VPS54: variants seen among roughly 807,000 people sequenced by gnomAD.
VPS54 encodes VPS54 subunit of GARP complex.
Under a neutral mutation model 121.5 loss-of-function variants are expected in VPS54, and 45 were observed. The ratio of observed to expected loss-of-function variants is 0.37; its 90% confidence interval spans 0.29 to 0.47. The LOEUF is 0.47. VPS54 is among the 20% of genes least tolerant of loss of function. The pLI is 0.99. For synonymous variants in VPS54, 371 were observed against 385.8 expected, an observed-to-expected ratio of 0.96 and a Z score of 0.45; for missense variants, 1,090 against 1,131.4, an observed-to-expected ratio of 0.96 and a Z score of 0.52.
In VPS54 at chr2:64,004,441, T is replaced by C. The variant is rs143970920; in HGVS notation, c.-21+14497A>G. Reference sequence around the variant, plus strand: ...CAAAGGGGAAAATGTATCTTTAAAATGGAGACCTGGCTGTCACCACCTTAC... The same window carrying C: ...CAAAGGGGAAAATGTATCTTTAAAACGGAGACCTGGCTGTCACCACCTTAC... On this transcript the variant is annotated intron_variant, in intron 1 of 22. Coordinates refer to ENST00000272322, the MANE Select transcript of VPS54 (RefSeq NM_016516.3). Among the ~76,000 whole-genome samples, 665 of 152,344 alleles carry C rather than the reference T, an allele frequency of 4.4e-3. 4 individuals carry two copies. Among genetic ancestry groups the C allele is most frequent in the Non-Finnish European group, 6.3e-3 (431 of 68,034 alleles).
intron 12 of VPS54, among the ~76,000 whole-genome samples, chr2:63,929,697 A>G (rs1674090260): frequency 6.9e-6 from 1 of 144,596 alleles, no homozygotes; most frequent in African/African-American, 2.4e-5. Flanking sequence ...GAGACATAAA[A>G]AACCCTTCAA....
intron 16 of VPS54, among the ~76,000 whole-genome samples, chr2:63,915,470 C>T (rs934987529): frequency 2.0e-5 from 3 of 152,260 alleles, no homozygotes; most frequent in Admixed American, 6.5e-5. Flanking sequence ...TAGAGTCTGC[C>T]TAAATGAGCA....
At chr2:63,970,216 C>T (rs1387533446) in intron 4 of VPS54, among the ~76,000 whole-genome samples, 6 of 86,406 alleles carry the variant, frequency 6.9e-5, no homozygotes, top group African/African-American at 3.0e-4. Flanking sequence ...TATATATACA[C>T]ACACACACAC....
chr2:63,967,896 T>G (rs1395620197), intron 5 of VPS54, among the ~76,000 whole-genome samples: 2 of 151,650 alleles, frequency 1.3e-5, no homozygotes, highest in Non-Finnish European at 2.9e-5. Context: ...AGCAAAAGAT[T>G]ACAGAGAATT....
chr2:63,942,566 A>T lies in VPS54; in HGVS notation c.1302-5T>A. 6.4e-7 allele frequency: 1 copy of T among 1,571,874 alleles called. No homozygotes were observed. Among genetic ancestry groups the T allele is most frequent in the South Asian group, 1.2e-5 (1 of 85,328 alleles). ...ATTCTCATCTGATCTGCAAGCCTAGAAAAAAATAATTCAAACAAAAATAAT... is the reference window on the plus strand; with the variant it reads ...ATTCTCATCTGATCTGCAAGCCTAGTAAAAAATAATTCAAACAAAAATAAT... On this transcript the variant is annotated splice_region_variant and splice_polypyrimidine_tract_variant and intron_variant, in intron 10 of 22. Coordinates refer to ENST00000272322, the MANE Select transcript of VPS54 (RefSeq NM_016516.3).
At chr2:63,913,157 A>G in intron 18 of VPS54, 66 bp downstream of exon 18, 1 of 1,338,600 alleles carries the variant, frequency 7.5e-7, no homozygotes, top group East Asian at 2.5e-5. Flanking sequence ...GTATAAAAAA[A>G]CATGATGAGA....
chr2:63,953,366 C>T (rs1254422540), intron 7 of VPS54, among the ~76,000 whole-genome samples: 1 of 152,044 alleles, frequency 6.6e-6, no homozygotes, highest in Non-Finnish European at 1.5e-5. Flanking sequence ...CTCCTGACCT[C>T]AAGTGGTCCA....
intron 3 of VPS54, among the ~76,000 whole-genome samples, chr2:63,973,768 C>T (rs1474936714): frequency 2.2e-4 from 33 of 152,252 alleles, no homozygotes; most frequent in Non-Finnish European, 1.2e-4. Context: ...TGGTCCTGAA[C>T]TCTTGGTCTC....
chr2:63,949,431 CTT>C (rs1675136895), intron 7 of VPS54, among the ~76,000 whole-genome samples: 1 of 152,162 alleles, frequency 6.6e-6, no homozygotes, highest in African/African-American at 2.4e-5. Flanking sequence ...CTGTGTATAA[CTT>C]TTGACTCCCC....
At chr2:63,952,473 C>T (rs1675298247) in intron 7 of VPS54, among the ~76,000 whole-genome samples, 1 of 151,960 alleles carries the variant, frequency 6.6e-6, no homozygotes. Flanking sequence ...ACTTGAAAAA[C>T]AAATCCTTAA....
intron 7 of VPS54, among the ~76,000 whole-genome samples, chr2:63,961,632 T>C (rs563768792): frequency 5.3e-5 from 8 of 152,348 alleles, no homozygotes; most frequent in African/African-American, 9.6e-5. Context: ...CTTTTGCAAT[T>C]TGATAAACAG....
chr2:63,918,301 A>T (rs1673478271), intron 15 of VPS54, among the ~76,000 whole-genome samples: 1 of 152,050 alleles, frequency 6.6e-6, no homozygotes, highest in African/African-American at 2.4e-5. Flanking sequence ...TATGATTTTA[A>T]TTCAGAAATC....
At chr2:63,993,163 C>G (rs1018379090) in intron 1 of VPS54, among the ~76,000 whole-genome samples, 2 of 152,086 alleles carry the variant, frequency 1.3e-5, no homozygotes, top group Non-Finnish European at 2.9e-5. Context: ...GAATCATGGT[C>G]GATAAACATA....
chr2:63,988,462 G>A (rs1423900903), intron 1 of VPS54, among the ~76,000 whole-genome samples: 2 of 152,172 alleles, frequency 1.3e-5, no homozygotes, highest in East Asian at 1.9e-4. Context: ...GGAAGTCAGG[G>A]ACCCCGAACC....
chr2:63,935,013 C>T (rs925807048), intron 11 of VPS54, among the ~76,000 whole-genome samples: 2 of 152,098 alleles, frequency 1.3e-5, no homozygotes, highest in Admixed American at 1.3e-4. Flanking sequence ...ACTCTAACTT[C>T]GGGTCTCCAA....
intron 6 of VPS54, among the ~76,000 whole-genome samples, chr2:63,965,176 A>C (rs990371789): frequency 2.6e-5 from 4 of 152,166 alleles, no homozygotes; most frequent in African/African-American, 9.7e-5. Context: ...AATCATTCTT[A>C]TAAAATTAGC....
At chr2:63,918,639 A>G (rs1360982415) in intron 15 of VPS54, among the ~76,000 whole-genome samples, 3 of 151,958 alleles carry the variant, frequency 2.0e-5, no homozygotes, top group African/African-American at 4.8e-5. Context: ...TCTCTGCCCT[A>G]TATCAACTCA....
Position 63,969,570 on chromosome 2 carries a change from G to A in VPS54, c.458-579C>T, listed in dbSNP as rs79795629. On this transcript the variant is annotated intron_variant, in intron 4 of 22. Coordinates refer to ENST00000272322, the MANE Select transcript of VPS54 (RefSeq NM_016516.3). Reference sequence around the variant, plus strand: ...CCCCAGATGGGACCATCTAGTTCCCGGAAAATAAGCTCAGGGCTCCCACTG... The same window carrying A: ...CCCCAGATGGGACCATCTAGTTCCCAGAAAATAAGCTCAGGGCTCCCACTG... Among the ~76,000 whole-genome samples the A allele has an allele frequency of 1.2e-4, 18 of 152,018 alleles. No individual in the cohort carries two copies. The East Asian group carries it at 2.7e-3, about 23-fold the overall frequency.
chr2:63,915,334 C>T lies in VPS54; in HGVS notation c.2229-1047G>A, dbSNP rs143686886. Reference sequence around the variant, plus strand: ...ATGACATGCTCAGAAATAAGATCTACGTAAAATAAGGATTTATAAGAGCCT... The same window carrying T: ...ATGACATGCTCAGAAATAAGATCTATGTAAAATAAGGATTTATAAGAGCCT... On this transcript the variant is annotated intron_variant, in intron 16 of 22. Transcript: ENST00000272322. Among the ~76,000 whole-genome samples the T allele has an allele frequency of 7.9e-5, 12 of 151,990 alleles. No individual in the cohort carries two copies. In the South Asian group the frequency reaches 8.3e-4, roughly 11 times the overall value.
Sources: gnomAD v4.1 joint callset for allele counts (sites outside exome capture counted in the v4.1 genomes callset) on GRCh38, gnomAD v4.1.1 for gene constraint, MANE v1.5 for transcripts, NCBI Gene and HGNC (gene_info 2026-07-23, HGNC 2026-07-21) for gene names.